Variants in GANC observed in about 807,000 individuals in gnomAD.
The protein encoded by GANC is neutral alpha-glucosidase C.
GANC carries 117 observed loss-of-function variants against 124.2 expected under a neutral mutation model. The ratio of observed to expected loss-of-function variants is 0.94; its 90% CI spans 0.81 to 1.10. The LOEUF is 1.10. GANC is among the 50% of genes least tolerant of loss of function. The pLI, the probability that GANC is intolerant of heterozygous loss-of-function variation, is 0.00. For missense variants in GANC, 1,140 were observed against 1,095.0 expected, an observed-to-expected ratio of 1.04 and a Z score of -0.58; for synonymous variants, 377 against 376.8, an observed-to-expected ratio of 1.00 and a Z score of -0.01.
intron 3 of GANC, among the ~76,000 whole-genome samples, chr15:42,285,916 A>T (rs1595763793): frequency 6.6e-6 from 1 of 152,230 alleles, no homozygotes; most frequent in Non-Finnish European, 1.5e-5. Flanking sequence ...TGAAGTCATT[A>T]TAGTGAAAAC....
At position 42,338,627 on chromosome 15, in the gene GANC, G is replaced by A. The variant is rs2052302864; in HGVS notation, c.1843+137G>A. On this transcript the variant is annotated intron_variant, in intron 16 of 23. Transcript: ENST00000318010. ...TGGGAAAGAAAAAATGTGAGAAAGT[G>A]AAGAGGAGCGGATTAGAGAGGAGAG... The A allele has an allele frequency of 7.3e-6, 5 of 680,542 alleles. No individual in the cohort carries two copies. The South Asian group carries it at 7.7e-5, about 11-fold the overall frequency. The allele number at this position is 680,542 out of a possible 1,614,324, so 42.2% of individuals were successfully genotyped here. A position where few individuals can be genotyped will look rare whatever the true frequency, so the allele number is the denominator to read the frequency against.
At chr15:42,322,725 A>T (rs562989335) in intron 11 of GANC, among the ~76,000 whole-genome samples, 1 of 152,144 alleles carries the variant, frequency 6.6e-6, no homozygotes, top group Admixed American at 6.5e-5. Context: ...CCACCTGTCA[A>T]TCTGGCCAAG....
At chr15:42,322,882 C>T (rs1172125463) in intron 11 of GANC, among the ~76,000 whole-genome samples, 1 of 151,866 alleles carries the variant, frequency 6.6e-6, no homozygotes, top group Non-Finnish European at 1.5e-5. Flanking sequence ...AGAAGGGGGG[C>T]GAAACCCTAT....
At chr15:42,349,780 C>G (rs2052407109) in intron 22 of GANC, among the ~76,000 whole-genome samples, 1 of 151,874 alleles carries the variant, frequency 6.6e-6, no homozygotes, top group Non-Finnish European at 1.5e-5. Flanking sequence ...TCCCAAGTAG[C>G]TGGAACTACA....
At chr15:42,274,794 T>G (rs2051642729) in intron 1 of GANC, among the ~76,000 whole-genome samples, 2 of 151,828 alleles carry the variant, frequency 1.3e-5, no homozygotes, top group African/African-American at 4.8e-5. Flanking sequence ...CCCCGCCCCC[T>G]CGGAGTCCCA....
intron 4 of GANC, 99 bp from the exon 5 acceptor site, chr15:42,292,636 T>G: frequency 8.4e-7 from 1 of 1,190,358 alleles, no homozygotes. Context: ...CTATGTCACA[T>G]GAATATTGAT....
chr15:42,306,419 G>C lies in GANC; in HGVS notation c.559-127G>C, dbSNP rs534484621. 39 of 696,188 alleles carry C rather than the reference G, an allele frequency of 5.6e-5. No homozygotes were observed. In the South Asian group the frequency reaches 7.6e-4, roughly 14 times the overall value. 43.1% of individuals were successfully genotyped at this position (696,188 alleles called of 1,614,324 possible). A position where few individuals can be genotyped will look rare whatever the true frequency, so the allele number is the denominator to read the frequency against. On this transcript the variant is annotated intron_variant, in intron 6 of 23. Coordinates refer to ENST00000318010, the MANE Select transcript of GANC (RefSeq NM_198141.3). The stretch of plus-strand genomic sequence containing the variant: ...GTTAAAGGTACTGACGTCACACACT[G>C]GTCTTCTAAAAGATGAACTCACTTT...
intron 15 of GANC, among the ~76,000 whole-genome samples, chr15:42,331,133 TTTGA>T (rs1405064245): frequency 1.3e-5 from 2 of 152,158 alleles, no homozygotes; most frequent in Admixed American, 6.5e-5. Context: ...TGGTCAGGCC[TTTGA>T]TTGTAGACAG....
chr15:42,307,064 A>C (rs1237705932), intron 7 of GANC, among the ~76,000 whole-genome samples: 1 of 152,172 alleles, frequency 6.6e-6, no homozygotes, highest in East Asian at 1.9e-4. Flanking sequence ...CACCAGGCTT[A>C]GTGATGGAAT....
chr15:42,292,613 G>A, intron 4 of GANC, 122 bp from the exon 5 acceptor site: 1 of 928,072 alleles, frequency 1.1e-6, no homozygotes, highest in Non-Finnish European at 1.6e-6. Flanking sequence ...TTTCTCTGTT[G>A]CCTTATCTAT....
At chr15:42,337,163 G>A (rs1045945006) in intron 15 of GANC, among the ~76,000 whole-genome samples, 1 of 152,160 alleles carries the variant, frequency 6.6e-6, no homozygotes, top group Non-Finnish European at 1.5e-5. Context: ...AAATCATTCT[G>A]TCATAAAGAC....
intron 6 of GANC, among the ~76,000 whole-genome samples, chr15:42,299,122 G>A (rs566024544): frequency 3.6e-4 from 55 of 152,290 alleles, no homozygotes; most frequent in Admixed American, 3.0e-3. Flanking sequence ...TGGTGAGAGA[G>A]GACATCCTTG....
chr15:42,290,011 C>T (rs536471908), intron 4 of GANC, among the ~76,000 whole-genome samples: 2 of 152,294 alleles, frequency 1.3e-5, no homozygotes, highest in South Asian at 4.1e-4. Flanking sequence ...CTTTCTGACA[C>T]CTTGATCTTT....
chr15:42,338,125 G>A (rs1243222128), intron 15 of GANC, among the ~76,000 whole-genome samples: 3 of 151,692 alleles, frequency 2.0e-5, no homozygotes, highest in African/African-American at 7.3e-5. Flanking sequence ...TTTTCAAAGG[G>A]TTCCTCTATC....
intron 6 of GANC, among the ~76,000 whole-genome samples, chr15:42,300,922 G>T (rs1354356126): frequency 1.3e-5 from 2 of 151,926 alleles, no homozygotes; most frequent in African/African-American, 4.8e-5. Flanking sequence ...GGAGGCTGAA[G>T]CAGGAGAATC....
chr15:42,316,954 CAA>C (rs148778857), intron 10 of GANC, among the ~76,000 whole-genome samples: 2,535 of 152,312 alleles, frequency 0.017, 72 homozygotes, highest in African/African-American at 0.059. Flanking sequence ...AGTAATGCAA[CAA>C]AGAGTAATAT....
At chr15:42,291,986 G>A (rs150052322) in intron 4 of GANC, among the ~76,000 whole-genome samples, 69 of 152,260 alleles carry the variant, frequency 4.5e-4, no homozygotes, top group African/African-American at 1.6e-3. Context: ...AACATAAACT[G>A]TCTCTTTTTA....
intron 10 of GANC, among the ~76,000 whole-genome samples, chr15:42,311,596 A>C (rs1595773857): frequency 6.6e-6 from 1 of 152,246 alleles, no homozygotes; most frequent in Non-Finnish European, 1.5e-5. Flanking sequence ...AAACTTAACA[A>C]TTATGATGGA....
rs1325501257 is a variant in GANC at position 42,314,394 on chromosome 15, A to G, written c.1057+3548A>G. Reference sequence around the variant, plus strand: ...AACTTCTACCAGCACCTTTTGATGAATAATTTGAATCCAGCTTTGTGCGTA... The same window carrying G: ...AACTTCTACCAGCACCTTTTGATGAGTAATTTGAATCCAGCTTTGTGCGTA... On this transcript the variant is annotated intron_variant, in intron 10 of 23. Coordinates refer to ENST00000318010, the MANE Select transcript of GANC (RefSeq NM_198141.3). The G allele has an allele frequency of 4.0e-5, 18 of 445,534 alleles. No individual in the cohort carries two copies. In the South Asian group the frequency reaches 4.2e-4, roughly 10 times the overall value. The allele number at this position is 445,534 out of a possible 1,614,324, so 27.6% of individuals were successfully genotyped here.
Sources: allele counts gnomAD v4.1 joint callset (sites outside exome capture counted in the v4.1 genomes callset), GRCh38; gene constraint gnomAD v4.1.1; transcripts MANE v1.5; gene names NCBI Gene and HGNC (gene_info 2026-07-23, HGNC 2026-07-21).